The following LRP4 variants were observed in gnomAD, a reference collection of about 807,000 sequenced individuals.
LRP4 encodes the protein low-density lipoprotein receptor-related protein 4.
A neutral mutation model predicts 220.3 loss-of-function variants in LRP4; 95 were observed. The ratio of observed to expected loss-of-function variants is 0.43; its 90% confidence interval spans 0.37 to 0.51. The LOEUF (loss-of-function observed/expected upper bound fraction) is 0.51, where lower values mean the gene tolerates loss of function less well. Among genes scored for constraint, LRP4 ranks in the 20% least tolerant of loss-of-function variants. LRP4 has a pLI of 0.00. For missense variants in LRP4, 1,925 were observed against 2,567.0 expected (o/e 0.75, Z 5.40); for synonymous variants, 903 against 954.6 (o/e 0.95, Z 1.00).
At position 46,918,288 on chromosome 11, in the gene LRP4, C is replaced by T. The variant is rs1460597132; in HGVS notation, c.52+40G>A. 2 of 1,508,184 alleles carry T rather than the reference C, an allele frequency of 1.3e-6. No individual in the cohort carries two copies. The allele number at this position is 1,508,184 out of a possible 1,614,324, so 93.4% of individuals were successfully genotyped here. ...TCCCGGGAGGCGAGTCCTGCAGCGG[C>T]CGGACCCAGGGACAAACTTTCCCGG... On this transcript the variant is annotated intron_variant, in intron 1 of 37. Transcript: ENST00000378623. This position sits in a 1 kb window ranked among gnomAD's most constrained non-coding sequence, Gnocchi z 6.0.
intron 22 of LRP4, among the ~76,000 whole-genome samples, chr11:46,877,744 A>AG (rs1411651752): frequency 3.3e-5 from 5 of 152,162 alleles, no homozygotes; most frequent in Non-Finnish European, 7.3e-5. Context: ...CTGGGATTAC[A>AG]GGCATGAGCC....
rs1431049693 is a variant in LRP4 at position 46,918,545 on chromosome 11, G to T, written c.-166C>A. On this transcript the variant is annotated 5_prime_UTR_variant, in exon 1 of 38. Transcript: ENST00000378623. The surrounding 1 kb of genome is among the most constrained non-coding windows in gnomAD (Gnocchi z 6.0). ...CGCCGCCTCCAGTGCTGCCAGAGCCGACGCTGCCCCGCCAGGGGACCGGGA... is the reference window on the plus strand; with the variant it reads ...CGCCGCCTCCAGTGCTGCCAGAGCCTACGCTGCCCCGCCAGGGGACCGGGA... The T allele has an allele frequency of 1.1e-5, 3 of 271,730 alleles. No individual in the cohort carries two copies. Among genetic ancestry groups the T allele is most frequent in the Non-Finnish European group, 1.8e-5 (3 of 162,788 alleles). The allele number at this position is 271,730 out of a possible 1,614,324, so 16.8% of individuals were successfully genotyped here.
chr11:46,884,650 T>C (rs1441280961), intron 18 of LRP4, among the ~76,000 whole-genome samples: 1 of 142,512 alleles, frequency 7.0e-6, no homozygotes, highest in African/African-American at 2.7e-5. Context: ...GGCAGGAGAA[T>C]GGCGTGAACC....
chr11:46,861,082 A>G (rs1323624790), intron 37 of LRP4: 1 of 301,432 alleles, frequency 3.3e-6, no homozygotes, highest in African/African-American at 2.3e-5. Context: ...GGAGCATCAG[A>G]TACTCCAGGA....
Position 46,898,682 on chromosome 11 carries a change from G to A in LRP4, c.677-5C>T, listed in dbSNP as rs771943730. On this transcript the variant is annotated splice_polypyrimidine_tract_variant and splice_region_variant and intron_variant, in intron 6 of 37. Transcript: ENST00000378623. ...AGCGGCAGGGCTGGTGGGAGGCTAG[G>A]GAAACACAAGACTTCTGTCTCTAGC... 2 of 1,613,866 alleles carry A rather than the reference G, an allele frequency of 1.2e-6. No individual in the cohort carries two copies. Among genetic ancestry groups the A allele is most frequent in the Non-Finnish European group, 1.7e-6 (2 of 1,180,028 alleles).
intron 30 of LRP4, among the ~76,000 whole-genome samples, chr11:46,872,410 C>T (rs879275205): frequency 1.9e-4 from 29 of 152,228 alleles, no homozygotes; most frequent in Non-Finnish European, 3.4e-4. Context: ...GCCCCTTCCC[C>T]CTGCCCTTAG....
intron 2 of LRP4, 57 bp downstream of exon 2, chr11:46,902,725 GC>G: frequency 3.1e-6 from 5 of 1,599,792 alleles, no homozygotes; most frequent in Non-Finnish European, 3.4e-6. Flanking sequence ...CCTTGTCCTT[GC>G]CCCCCACCCC....
At chr11:46,915,494 T>C (rs1025029683) in intron 1 of LRP4, among the ~76,000 whole-genome samples, 4 of 152,164 alleles carry the variant, frequency 2.6e-5, no homozygotes, top group African/African-American at 7.2e-5. Flanking sequence ...TCCAAACCAA[T>C]AGGCTCTAGG....
rs780161344 is a variant in LRP4 at position 46,894,853 on chromosome 11, G to A, written c.1310-34C>T. On this transcript the variant is annotated intron_variant, in intron 11 of 37. Transcript: ENST00000378623. Reference sequence around the variant, plus strand: ...CAGTATAAACATGGGATACCCACTGGGTTTCAGAGCCGCCCCTGGTACCCA... The same window carrying A: ...CAGTATAAACATGGGATACCCACTGAGTTTCAGAGCCGCCCCTGGTACCCA... The A allele has an allele frequency of 8.8e-6, 14 of 1,582,532 alleles. No homozygotes were observed. The South Asian group carries it at 1.5e-4, about 18-fold the overall frequency.
chr11:46,900,024 G>A (rs1319092017), intron 3 of LRP4, 48 bp from the exon 4 acceptor site: 3 of 1,453,050 alleles, frequency 2.1e-6, no homozygotes, highest in African/African-American at 1.4e-5. Context: ...GGGGTCTGGT[G>A]CCTGGAAGCC....
chr11:46,891,117 A>G (rs1279864109), intron 13 of LRP4, among the ~76,000 whole-genome samples: 3 of 151,740 alleles, frequency 2.0e-5, no homozygotes, highest in Non-Finnish European at 4.4e-5. Context: ...TGCCTTTTGT[A>G]TTTTATTTTC....
intron 1 of LRP4, among the ~76,000 whole-genome samples, chr11:46,908,182 G>GGCCTCC (rs1230871595): frequency 6.6e-6 from 1 of 151,948 alleles, no homozygotes; most frequent in Non-Finnish European, 1.5e-5. Flanking sequence ...CGCCCACCTC[G>GGCCTCC]GCCTCCCAAA....
chr11:46,909,946 G>C (rs549418924), intron 1 of LRP4, among the ~76,000 whole-genome samples: 1 of 152,118 alleles, frequency 6.6e-6, no homozygotes, highest in African/African-American at 2.4e-5. Flanking sequence ...TTCACCAGCT[G>C]TATTATCCGG....
chr11:46,872,414 C>T (rs926213483), intron 30 of LRP4, among the ~76,000 whole-genome samples: 3 of 152,120 alleles, frequency 2.0e-5, no homozygotes, highest in African/African-American at 7.2e-5. Flanking sequence ...CTTCCCCCTG[C>T]CCTTAGCATT....
In LRP4 at chr11:46,890,602, G is replaced by A; in HGVS notation, c.1698-108C>T. Reference sequence around the variant, plus strand: ...TCCATTTAACTCAGGGGACTCCAATGTTTGGTCCACAGAATGAATTTTTTT... The same window carrying A: ...TCCATTTAACTCAGGGGACTCCAATATTTGGTCCACAGAATGAATTTTTTT... On this transcript the variant is annotated intron_variant, in intron 13 of 37. Coordinates refer to ENST00000378623, the MANE Select transcript of LRP4 (RefSeq NM_002334.4). The surrounding 1 kb of genome is among the most constrained non-coding windows in gnomAD (Gnocchi z 5.3). 3.9e-6 allele frequency: 3 copies of A among 761,510 alleles called. No homozygotes were observed. The highest frequency in any genetic ancestry group is 6.7e-6 in the Non-Finnish European group (3 of 447,228). 47.2% of individuals were successfully genotyped at this position (761,510 alleles called of 1,614,324 possible). A position where few individuals can be genotyped will look rare whatever the true frequency, so the allele number is the denominator to read the frequency against.
At chr11:46,910,984 C>A (rs567795498) in intron 1 of LRP4, among the ~76,000 whole-genome samples, 1 of 152,202 alleles carries the variant, frequency 6.6e-6, no homozygotes, top group African/African-American at 2.4e-5. Context: ...CAAATCTTTG[C>A]CTAATTTATC....
At chr11:46,898,200 C>T (rs1353490441) in intron 7 of LRP4, among the ~76,000 whole-genome samples, 2 of 152,164 alleles carry the variant, frequency 1.3e-5, no homozygotes, top group Admixed American at 6.5e-5. Context: ...CCTCACCTCC[C>T]GGATTGTCTT....
intron 34 of LRP4, 133 bp downstream of exon 34, chr11:46,867,846 T>A: frequency 9.4e-7 from 1 of 1,059,504 alleles, no homozygotes; most frequent in Admixed American, 2.0e-5. Flanking sequence ...TCACCTTCTG[T>A]CCCAAATAAC....
At chr11:46,917,807 C>A (rs1941971630) in intron 1 of LRP4, among the ~76,000 whole-genome samples, 1 of 152,110 alleles carries the variant, frequency 6.6e-6, no homozygotes, top group South Asian at 2.1e-4. Flanking sequence ...GACCTGGAGT[C>A]CGGGAATCGT....
Sources: gnomAD v4.1 joint callset for allele counts (sites outside exome capture counted in the v4.1 genomes callset) on GRCh38, gnomAD v4.1.1 for gene constraint, Gnocchi (gnomAD v3.1) non-coding constraint, MANE v1.5 for transcripts, NCBI Gene and HGNC (gene_info 2026-07-23, HGNC 2026-07-21) for gene names.